The following PRKG1 variants were observed in gnomAD, a reference collection of about 807,000 sequenced individuals.
The protein encoded by PRKG1 is protein kinase cGMP-dependent 1.
Under a neutral mutation model 88.1 loss-of-function variants are expected in PRKG1, and 35 were observed. That is an observed-to-expected ratio of 0.40 (90% CI 0.30 to 0.53). The LOEUF is 0.53. Among genes scored for constraint, PRKG1 ranks in the 20% least tolerant of loss-of-function variants. PRKG1 has a pLI of 0.59. For missense variants in PRKG1, 540 were observed against 839.8 expected (o/e 0.64, Z 4.41); for synonymous variants, 303 against 292.5 (o/e 1.04, Z -0.37).
chr10:51,984,927 C>T (rs766943006), intron 5 of PRKG1, among the ~76,000 whole-genome samples: 1 of 152,066 alleles, frequency 6.6e-6, no homozygotes, highest in African/African-American at 2.4e-5. Context: ...GTTTTGTTCC[C>T]TCTGGGCAGT....
intron 3 of PRKG1, among the ~76,000 whole-genome samples, chr10:51,521,528 C>T (rs1017856190): frequency 2.0e-5 from 3 of 152,136 alleles, no homozygotes; most frequent in Non-Finnish European, 4.4e-5. Flanking sequence ...TAGGATTAAG[C>T]ACTGAGTCTA....
chr10:51,519,908 G>A (rs1403819496), intron 3 of PRKG1, among the ~76,000 whole-genome samples: 2 of 152,056 alleles, frequency 1.3e-5, no homozygotes, highest in East Asian at 3.8e-4. Context: ...GAAAGAAACA[G>A]GAAATTTACC....
At chr10:51,426,781 T>C (rs1478922028) in intron 2 of PRKG1, among the ~76,000 whole-genome samples, 1 of 152,208 alleles carries the variant, frequency 6.6e-6, no homozygotes, top group Non-Finnish European at 1.5e-5. Context: ...AGATTTTGTT[T>C]TGTTTCATAA....
At chr10:51,859,520 G>GA (rs1057090859) in intron 4 of PRKG1, among the ~76,000 whole-genome samples, 26 of 149,578 alleles carry the variant, frequency 1.7e-4, no homozygotes, top group African/African-American at 5.9e-4. Flanking sequence ...TCAAAAAAAG[G>GA]AAAAAAGAAA....
chr10:52,218,575 C>A (rs766168503), intron 9 of PRKG1, among the ~76,000 whole-genome samples: 1 of 152,114 alleles, frequency 6.6e-6, no homozygotes, highest in Non-Finnish European at 1.5e-5. Flanking sequence ...ACAGCCAAGG[C>A]AGTATTCTCC....
chr10:52,156,770 T>A (rs972797317), intron 8 of PRKG1, among the ~76,000 whole-genome samples: 59 of 151,824 alleles, frequency 3.9e-4, no homozygotes, highest in African/African-American at 1.4e-3. Flanking sequence ...CAATGAAGGA[T>A]CCCTCTGAAA....
chr10:51,789,645 G>A (rs574926746), intron 3 of PRKG1, among the ~76,000 whole-genome samples: 1 of 152,210 alleles, frequency 6.6e-6, no homozygotes, highest in South Asian at 2.1e-4. Flanking sequence ...ATGCCTAAGA[G>A]CACCAGACAG....
chr10:51,362,018 A>T (rs990162769), intron 2 of PRKG1, among the ~76,000 whole-genome samples: 1 of 151,974 alleles, frequency 6.6e-6, no homozygotes, highest in Non-Finnish European at 1.5e-5. Context: ...AGAGTAAGTT[A>T]TTAAAAAAAC....
chr10:51,501,607 T>C (rs1841025646), intron 3 of PRKG1, among the ~76,000 whole-genome samples: 1 of 152,148 alleles, frequency 6.6e-6, no homozygotes, highest in Admixed American at 6.6e-5. Flanking sequence ...GCTGGCTCCT[T>C]GTCCATTTCC....
intron 4 of PRKG1, among the ~76,000 whole-genome samples, chr10:51,844,475 T>A (rs1030682148): frequency 1.3e-5 from 2 of 152,218 alleles, no homozygotes; most frequent in African/African-American, 4.8e-5. Context: ...ACAGACCTTA[T>A]TTGCCTATTA....
chr10:51,105,671 GAC>G (rs1438574692), intron 1 of PRKG1, among the ~76,000 whole-genome samples: 2 of 151,942 alleles, frequency 1.3e-5, no homozygotes, highest in African/African-American at 4.8e-5. Context: ...GGAGAGTGGG[GAC>G]ACATAGACAT....
chr10:52,073,463 A>G (rs10824018), intron 7 of PRKG1, among the ~76,000 whole-genome samples: 26,260 of 152,142 alleles, frequency 0.17, 2,863 homozygotes, highest in South Asian at 0.28. Context: ...TCTCATGATC[A>G]GCTACATCCT....
intron 2 of PRKG1, among the ~76,000 whole-genome samples, chr10:51,304,162 G>A (rs112644276): frequency 1.3e-5 from 2 of 152,120 alleles, no homozygotes; most frequent in African/African-American, 4.8e-5. Context: ...GGTTTCAGTG[G>A]TCCAAATCAG....
At chr10:51,213,018 A>G (rs1838268906) in intron 2 of PRKG1, among the ~76,000 whole-genome samples, 1 of 152,204 alleles carries the variant, frequency 6.6e-6, no homozygotes, top group Non-Finnish European at 1.5e-5. Flanking sequence ...ATGCACACGT[A>G]TGTTTATTGC....
chr10:51,503,563 G>T (rs1841099853), intron 3 of PRKG1, among the ~76,000 whole-genome samples: 2 of 152,302 alleles, frequency 1.3e-5, no homozygotes, highest in African/African-American at 4.8e-5. Context: ...GCCTAAGCCA[G>T]GTCTGTATCC....
At chr10:51,374,093 A>ATAT (rs1554801054) in intron 2 of PRKG1, among the ~76,000 whole-genome samples, 5,331 of 100,280 alleles carry the variant, frequency 0.053, 316 homozygotes, top group East Asian at 0.11. Flanking sequence ...AAAAAAAAAA[A>ATAT]ATATATATAT....
At position 51,546,969 on chromosome 10, in the gene PRKG1, C is replaced by A. The variant is rs1213317010; in HGVS notation, c.592+79133C>A. On this transcript the variant is annotated intron_variant, in intron 3 of 17. Coordinates refer to ENST00000373980, the MANE Select transcript of PRKG1 (RefSeq NM_006258.4). ...TTATTGAATCTTATTAAAACCCAAA[C>A]TGAGCAGTTCTAGTTGAACCTCCTA... 2.0e-5 allele frequency among the ~76,000 whole-genome samples: 3 copies of A among 152,092 alleles called. No homozygotes were observed. The East Asian group carries it at 5.8e-4, about 29-fold the overall frequency.
intron 4 of PRKG1, among the ~76,000 whole-genome samples, chr10:51,855,523 G>A (rs1840658498): frequency 6.6e-6 from 1 of 152,142 alleles, no homozygotes; most frequent in African/African-American, 2.4e-5. Context: ...TTACTTCTAT[G>A]TCCAGCACAA....
At chr10:51,498,062 G>T (rs977528987) in intron 3 of PRKG1, among the ~76,000 whole-genome samples, 1 of 152,148 alleles carries the variant, frequency 6.6e-6, no homozygotes, top group African/African-American at 2.4e-5. Flanking sequence ...GCAGTGGGAC[G>T]CTAGGAGTTT....
Sources: allele counts gnomAD v4.1 joint callset (sites outside exome capture counted in the v4.1 genomes callset), GRCh38; gene constraint gnomAD v4.1.1; transcripts MANE v1.5; gene names NCBI Gene and HGNC (gene_info 2026-07-23, HGNC 2026-07-21).